Variants in ADHFE1 observed in about 807,000 individuals in gnomAD.
ADHFE1 encodes hydroxyacid-oxoacid transhydrogenase, mitochondrial.
Under a neutral mutation model 54.8 loss-of-function variants are expected in ADHFE1, and 37 were observed. The ratio of observed to expected loss-of-function variants is 0.68; its 90% CI spans 0.52 to 0.89. ADHFE1 has a LOEUF of 0.89. ADHFE1 is among the 40% of genes least tolerant of loss of function. The pLI is 0.00. For synonymous variants in ADHFE1, 203 were observed against 229.3 expected, an observed-to-expected ratio of 0.89 and a Z score of 1.04; for missense variants, 601 against 591.2, an observed-to-expected ratio of 1.02 and a Z score of -0.17.
At chr8:66,456,080 A>T (rs1378973926) in intron 10 of ADHFE1, among the ~76,000 whole-genome samples, 1 of 152,298 alleles carries the variant, frequency 6.6e-6, no homozygotes, top group Non-Finnish European at 1.5e-5. Context: ...TCGAGGCTGC[A>T]TTGAGCTATG....
chr8:66,438,828 T>A (rs1402755036), intron 1 of ADHFE1, among the ~76,000 whole-genome samples: 1 of 147,798 alleles, frequency 6.8e-6, no homozygotes, highest in South Asian at 2.2e-4. Context: ...AAGTAAGAAG[T>A]AGAAATAATG....
chr8:66,457,217 A>G, intron 12 of ADHFE1, 51 bp downstream of exon 12: 1 of 1,552,680 alleles, frequency 6.4e-7, no homozygotes, highest in East Asian at 2.3e-5. Context: ...GGTGGCTCCC[A>G]TCTGTAATCC....
intron 1 of ADHFE1, among the ~76,000 whole-genome samples, chr8:66,438,344 G>A (rs1466910863): frequency 3.9e-5 from 6 of 152,138 alleles, no homozygotes; most frequent in Non-Finnish European, 7.3e-5. Context: ...GAGGGAGGAG[G>A]AAGGGTCAGA....
intron 3 of ADHFE1, 138 bp from the exon 4 acceptor site, chr8:66,444,229 G>A (rs1805911661): frequency 1.4e-6 from 1 of 719,270 alleles, no homozygotes; most frequent in Non-Finnish European, 2.4e-6. Flanking sequence ...GTGAGACCAG[G>A]TGGGAGATGA....
intron 13 of ADHFE1, among the ~76,000 whole-genome samples, chr8:66,460,732 A>C (rs1344259604): frequency 6.6e-6 from 1 of 152,242 alleles, no homozygotes; most frequent in Admixed American, 6.5e-5. Flanking sequence ...AATTCAAGGC[A>C]AAAACAACCA....
At chr8:66,444,215 T>C (rs1326200058) in intron 3 of ADHFE1, 152 bp from the exon 4 acceptor site, 4 of 668,636 alleles carry the variant, frequency 6.0e-6, no homozygotes, top group African/African-American at 3.6e-5. Flanking sequence ...CCACACTTCT[T>C]TAAGTGAGAC....
Position 66,447,358 on chromosome 8 carries a change from T to G in ADHFE1, c.628+17T>G. The G allele has an allele frequency of 1.9e-6, 3 of 1,577,736 alleles. No homozygotes were observed. The highest frequency in any genetic ancestry group is 2.6e-6 in the Non-Finnish European group (3 of 1,147,700). On this transcript the variant is annotated intron_variant, in intron 7 of 13. Coordinates refer to ENST00000396623, the MANE Select transcript of ADHFE1 (RefSeq NM_144650.3). ...TAAAAATTGGTAAGAACCATACTTT[T>G]GAATTATCTCCCTTACCTTTCAACT...
chr8:66,443,464 G>A lies in ADHFE1; in HGVS notation c.144+620G>A, dbSNP rs148013385. Among the ~76,000 whole-genome samples the A allele has an allele frequency of 5.2e-3, 787 of 152,108 alleles. 9 individuals are homozygous for A. Among genetic ancestry groups the A allele is most frequent in the African/African-American group, 0.018 (754 of 41,476 alleles). ...AGCTAATTTTTGTATTTTTAGTAGA[G>A]ACAGGGTTTTGCCATGTTGGCCAGG... is the stretch of plus-strand genomic sequence containing the variant. On this transcript the variant is annotated intron_variant, in intron 3 of 13. Transcript: ENST00000396623.
rs1586503335 is a variant in ADHFE1 at position 66,468,509 on chromosome 8, C to G, written c.*157C>G. The G allele has an allele frequency of 7.7e-6, 4 of 518,000 alleles. No individual in the cohort carries two copies. Among genetic ancestry groups the G allele is most frequent in the Non-Finnish European group, 1.3e-5 (4 of 308,464 alleles). The allele number at this position is 518,000 out of a possible 1,614,324, so 32.1% of individuals were successfully genotyped here. On this transcript the variant is annotated 3_prime_UTR_variant, in exon 14 of 14. Transcript: ENST00000396623. The stretch of plus-strand genomic sequence containing the variant: ...ATCTTGCAGGAAATTCCCCAAAGCT[C>G]AGAGTCCAGTTCCTTCCATAAAACA...
chr8:66,450,368 A>T (rs1806237953), intron 8 of ADHFE1, among the ~76,000 whole-genome samples: 1 of 152,224 alleles, frequency 6.6e-6, no homozygotes, highest in South Asian at 2.1e-4. Context: ...AGAAGGCAGG[A>T]GAATAATGGC....
chr8:66,453,216 A>G (rs1207871298), intron 9 of ADHFE1, among the ~76,000 whole-genome samples: 1 of 152,194 alleles, frequency 6.6e-6, no homozygotes, highest in Non-Finnish European at 1.5e-5. Context: ...ATCACCTGCT[A>G]CTTCGCCTTG....
At chr8:66,434,096 AGAGGCAGTTC>A (rs1386262624) in intron 1 of ADHFE1, among the ~76,000 whole-genome samples, 1 of 152,214 alleles carries the variant, frequency 6.6e-6, no homozygotes, top group Admixed American at 6.5e-5. Flanking sequence ...TCATGCACGG[AGAGGCAGTTC>A]CTTGGGTAGA....
intron 13 of ADHFE1, among the ~76,000 whole-genome samples, chr8:66,462,639 G>C (rs1218170356): frequency 6.6e-6 from 1 of 152,194 alleles, no homozygotes; most frequent in Non-Finnish European, 1.5e-5. Context: ...AAAAGGTTCT[G>C]TTTGTTTAGC....
intron 12 of ADHFE1, chr8:66,459,934 A>G (rs751729796): frequency 5.6e-6 from 1 of 178,642 alleles, no homozygotes; most frequent in South Asian, 1.4e-4. Context: ...TGAACACATC[A>G]TACACCTCTA....
chr8:66,433,579 G>GC (rs143094512), intron 1 of ADHFE1, among the ~76,000 whole-genome samples: 2,262 of 152,248 alleles, frequency 0.015, 65 homozygotes, highest in African/African-American at 0.051. Context: ...ACACAGCTAA[G>GC]CAAATGGCAC....
At chr8:66,446,512 C>A (rs1806031750) in intron 6 of ADHFE1, among the ~76,000 whole-genome samples, 1 of 152,204 alleles carries the variant, frequency 6.6e-6, no homozygotes, top group Non-Finnish European at 1.5e-5. Flanking sequence ...AGTCATCACA[C>A]ACGTGCATGA....
intron 2 of ADHFE1, 64 bp downstream of exon 2, chr8:66,440,263 T>C: frequency 6.8e-7 from 1 of 1,475,892 alleles, no homozygotes. Flanking sequence ...TTATAATACA[T>C]TTGGGTAGTG....
chr8:66,440,512 A>T (rs1805695072), intron 2 of ADHFE1, among the ~76,000 whole-genome samples: 1 of 152,262 alleles, frequency 6.6e-6, no homozygotes, highest in Non-Finnish European at 1.5e-5. Context: ...GTCAAACAGA[A>T]TTAATCAAGA....
rs768487351 is a variant in ADHFE1, at chr8:66,457,119, C to T, written c.1115C>T (p.Thr372Met). ...ACGTCCCCAGCGGTGTTCACTTTCA[C>T]GGCCCAGATGTTTCCAGAGCGACAC... is the stretch of plus-strand genomic sequence containing the variant. ...VLTSPAVFTF[T>M]AQMFPERHLE... is the part of the protein sequence containing the mutation. The change falls in exon 12 of 14, where the codon ACG becomes ATG. Residue 372 changes from threonine (T) to methionine (M), a missense_variant. Thr to Met is a moderately conservative substitution (Grantham distance 81, BLOSUM62 -1). Transcript: ENST00000396623. 3.3e-5 allele frequency: 53 copies of T among 1,613,672 alleles called. 1 individual carries two copies. The highest frequency in any genetic ancestry group is 2.2e-4 in the South Asian group (20 of 91,030).
Sources: gnomAD v4.1 joint callset for allele counts (sites outside exome capture counted in the v4.1 genomes callset) on GRCh38, gnomAD v4.1.1 for gene constraint, MANE v1.5 for transcripts, NCBI Gene and HGNC (gene_info 2026-07-23, HGNC 2026-07-21) for gene names.